Variants in ASIC2 observed in about 807,000 individuals in gnomAD.
ASIC2 encodes acid sensing ion channel subunit 2.
Under a neutral mutation model 57.3 loss-of-function variants are expected in ASIC2, and 25 were observed. The observed-to-expected ratio is 0.44, with a 90% CI of 0.32 to 0.61. ASIC2 has a LOEUF of 0.61. Ranked by LOEUF, ASIC2 falls within the 20% of genes least tolerant of loss-of-function variation. The pLI, the probability that ASIC2 is intolerant of heterozygous loss-of-function variation, is 0.06. For missense variants in ASIC2, 641 were observed against 738.1 expected (o/e 0.87, Z 1.52); for synonymous variants, 319 against 307.5 (o/e 1.04, Z -0.39).
chr17:33,036,302 A>G (rs909653940), intron 3 of ASIC2, among the ~76,000 whole-genome samples: 1 of 152,186 alleles, frequency 6.6e-6, no homozygotes, highest in African/African-American at 2.4e-5. Flanking sequence ...TGTGAGGGGC[A>G]GAGTCAGCAG....
intron 9 of ASIC2, among the ~76,000 whole-genome samples, chr17:33,014,359 G>A (rs147510906): frequency 8.5e-5 from 13 of 152,192 alleles, no homozygotes; most frequent in African/African-American, 3.1e-4. Context: ...TATCTGAGTG[G>A]TCTGTAGCTT....
chr17:34,131,812 CAA>C (rs1911975613), intron 1 of ASIC2, among the ~76,000 whole-genome samples: 1 of 152,206 alleles, frequency 6.6e-6, no homozygotes, highest in Admixed American at 6.5e-5. Context: ...ACCAGATAAA[CAA>C]GAGGCCCTGA....
chr17:33,133,595 G>T (rs956850848), intron 1 of ASIC2, among the ~76,000 whole-genome samples: 2 of 152,192 alleles, frequency 1.3e-5, no homozygotes, highest in Non-Finnish European at 2.9e-5. Context: ...CAAAGGATTC[G>T]ATCTTAGATC....
chr17:33,100,722 A>C (rs1386743793), intron 2 of ASIC2, among the ~76,000 whole-genome samples: 1 of 152,194 alleles, frequency 6.6e-6, no homozygotes, highest in Non-Finnish European at 1.5e-5. Context: ...TGGGCCCTTC[A>C]TCTGTATCAC....
intron 1 of ASIC2, among the ~76,000 whole-genome samples, chr17:33,236,073 G>A (rs1256109913): frequency 6.6e-6 from 1 of 152,130 alleles, no homozygotes; most frequent in Non-Finnish European, 1.5e-5. Flanking sequence ...TTGACCACAT[G>A]ATCTGCCTGC....
chr17:34,009,289 TAGCAGC>T (rs749285492), intron 1 of ASIC2, among the ~76,000 whole-genome samples: 9 of 152,128 alleles, frequency 5.9e-5, no homozygotes, highest in Non-Finnish European at 1.2e-4. Context: ...TCCTTGTGTC[TAGCAGC>T]AGCCTAGAGA....
At chr17:33,556,186 C>T (rs1014800574) in intron 1 of ASIC2, among the ~76,000 whole-genome samples, 2 of 152,182 alleles carry the variant, frequency 1.3e-5, no homozygotes, top group Non-Finnish European at 2.9e-5. Flanking sequence ...CATGGTGTTA[C>T]CACCCTAAGG....
intron 1 of ASIC2, among the ~76,000 whole-genome samples, chr17:33,452,904 A>C (rs1375836381): frequency 6.6e-6 from 1 of 152,082 alleles, no homozygotes; most frequent in African/African-American, 2.4e-5. Flanking sequence ...TTGTTAATGA[A>C]GCTCCTCCGA....
At chr17:33,047,849 C>A (rs1391359508) in intron 3 of ASIC2, among the ~76,000 whole-genome samples, 5 of 152,168 alleles carry the variant, frequency 3.3e-5, no homozygotes, top group African/African-American at 4.8e-5. Context: ...ATCTTGAATG[C>A]TTTGACAATT....
intron 1 of ASIC2, among the ~76,000 whole-genome samples, chr17:33,801,977 G>T (rs1277811055): frequency 6.6e-6 from 1 of 152,132 alleles, no homozygotes; most frequent in Non-Finnish European, 1.5e-5. Context: ...CTAAAATATT[G>T]TTTCTCTCAG....
chr17:33,371,633 G>T (rs1909065916), intron 1 of ASIC2, among the ~76,000 whole-genome samples: 1 of 152,112 alleles, frequency 6.6e-6, no homozygotes, highest in Non-Finnish European at 1.5e-5. Flanking sequence ...ATCAGGGCCA[G>T]CAGAGGAATT....
At chr17:34,012,950 C>T (rs182169947) in intron 1 of ASIC2, among the ~76,000 whole-genome samples, 2 of 152,248 alleles carry the variant, frequency 1.3e-5, no homozygotes, top group Non-Finnish European at 2.9e-5. Context: ...AGGGCAATGT[C>T]CCCCACTTCC....
intron 1 of ASIC2, among the ~76,000 whole-genome samples, chr17:34,062,329 C>T (rs1254124992): frequency 6.6e-6 from 1 of 152,128 alleles, no homozygotes; most frequent in East Asian, 1.9e-4. Context: ...AACTGAATGA[C>T]AATAAATGAC....
chr17:33,980,513 A>T (rs2785061), intron 1 of ASIC2, among the ~76,000 whole-genome samples: 2 of 152,146 alleles, frequency 1.3e-5, no homozygotes, highest in Non-Finnish European at 2.9e-5. Flanking sequence ...GGAAAGGATG[A>T]GAATCTTGGG....
In ASIC2 at chr17:33,737,699, G is replaced by T. The variant is rs149864776; in HGVS notation, c.555+418279C>A. Among the ~76,000 whole-genome samples, 17 of 147,464 alleles carry T rather than the reference G, an allele frequency of 1.2e-4. No homozygotes were observed. The East Asian group carries it at 3.1e-3, about 27-fold the overall frequency. On this transcript the variant is annotated intron_variant, in intron 1 of 9. Coordinates refer to the ASIC2 transcript ENST00000359872. ...GAATTTAGTATTTGCTCAAAAAATG[G>T]CAGCCATCCTTATTGAGTAGATTCC...
chr17:33,827,434 C>T (rs913103541), intron 1 of ASIC2, among the ~76,000 whole-genome samples: 1 of 146,936 alleles, frequency 6.8e-6, no homozygotes, highest in African/African-American at 2.5e-5. Context: ...CAGGTTCACG[C>T]CGTTCTCCTG....
intron 1 of ASIC2, among the ~76,000 whole-genome samples, chr17:34,059,637 G>A (rs1381160072): frequency 6.6e-6 from 1 of 152,132 alleles, no homozygotes; most frequent in Non-Finnish European, 1.5e-5. Context: ...AAACAGACTT[G>A]GTGCTGCTGT....
At chr17:33,536,798 G>A (rs1284026815) in intron 1 of ASIC2, among the ~76,000 whole-genome samples, 2 of 152,136 alleles carry the variant, frequency 1.3e-5, no homozygotes, top group Admixed American at 1.3e-4. Flanking sequence ...CTTGAGCCAA[G>A]GAGTTCAAGT....
chr17:33,353,097 G>C (rs920736002), intron 1 of ASIC2, among the ~76,000 whole-genome samples: 5 of 152,108 alleles, frequency 3.3e-5, no homozygotes, highest in African/African-American at 1.2e-4. Context: ...CAAAATTCAG[G>C]TTCAATAATT....
Sources: gnomAD v4.1 joint callset for allele counts (sites outside exome capture counted in the v4.1 genomes callset) on GRCh38, gnomAD v4.1.1 for gene constraint, MANE v1.5 for transcripts, NCBI Gene and HGNC (gene_info 2026-07-23, HGNC 2026-07-21) for gene names.